Variants in PROCR observed in about 807,000 individuals in gnomAD.
The protein encoded by PROCR is protein C receptor, also known as endothelial protein C receptor.
A neutral mutation model predicts 24.2 loss-of-function variants in PROCR; 22 were observed. That is an observed-to-expected ratio of 0.91 (90% CI 0.65 to 1.30). The LOEUF is 1.30. Ranked by LOEUF, PROCR falls within the 50% of genes most tolerant of loss-of-function variation. The pLI is 0.00. For synonymous variants in PROCR, 137 were observed against 139.2 expected, an observed-to-expected ratio of 0.98 and a Z score of 0.11; for missense variants, 288 against 307.7, an observed-to-expected ratio of 0.94 and a Z score of 0.48.
At chr20:35,196,092 G>A (rs1264098334) in intron 1 of PROCR, among the ~76,000 whole-genome samples, 2 of 142,092 alleles carry the variant, frequency 1.4e-5, no homozygotes, top group African/African-American at 5.2e-5. Context: ...TGAGGCAGGA[G>A]AATCGCTTGA....
chr20:35,193,197 G>A (rs1310791622), intron 1 of PROCR, among the ~76,000 whole-genome samples: 1 of 143,352 alleles, frequency 7.0e-6, no homozygotes, highest in Non-Finnish European at 1.5e-5. Flanking sequence ...TTTTTTTTAA[G>A]ATGGAGTCTC....
At chr20:35,171,804 C>G (rs1297153704), upstream of PROCR, among the ~76,000 whole-genome samples, 1 of 152,052 alleles carries the variant, frequency 6.6e-6, no homozygotes, top group African/African-American at 2.4e-5. Context: ...TGAGTCAGCG[C>G]CGGCAGGACT....
chr20:35,197,517 A>C (rs2060302300), intron 1 of PROCR, among the ~76,000 whole-genome samples: 1 of 152,088 alleles, frequency 6.6e-6, no homozygotes, highest in Non-Finnish European at 1.5e-5. Context: ...TGGCCTCTAA[A>C]TGTTCAAGTG....
intron 1 of PROCR, among the ~76,000 whole-genome samples, chr20:35,201,209 T>G (rs557103293): frequency 3.5e-4 from 52 of 150,410 alleles, no homozygotes; most frequent in African/African-American, 1.2e-3. Flanking sequence ...ACCAATATAT[T>G]AAATTGGAAT....
intron 1 of PROCR, among the ~76,000 whole-genome samples, chr20:35,204,696 A>G (rs2060331613): frequency 6.6e-6 from 1 of 152,078 alleles, no homozygotes; most frequent in African/African-American, 2.4e-5. Context: ...TCACTGGGAA[A>G]TTCTACCAAA....
In PROCR at chr20:35,174,954, G is replaced by A. The variant is rs2085994825; in HGVS notation, c.322+1G>A. ...GTGCACCAGGAGCGGACCTTGGCCT[G>A]TGAGTAGGCGCGCAGCGGGGGCGGG... On this transcript the variant is annotated splice_donor_variant, in intron 2 of 3. Transcript: ENST00000216968. LOFTEE classifies it high-confidence loss of function. 1.3e-6 allele frequency: 2 copies of A among 1,497,944 alleles called. No homozygotes were observed. The highest frequency in any genetic ancestry group is 1.8e-6 in the Non-Finnish European group (2 of 1,117,368). The allele number at this position is 1,497,944 out of a possible 1,614,324, so 92.8% of individuals were successfully genotyped here.
At chr20:35,210,664 G>A (rs1440550605) in intron 1 of PROCR, among the ~76,000 whole-genome samples, 3 of 151,262 alleles carry the variant, frequency 2.0e-5, no homozygotes, top group African/African-American at 7.3e-5. Context: ...CCCGTGCAAT[G>A]TATCATTCAG....
In PROCR at chr20:35,172,180, T is replaced by C. The variant is rs138484833; in HGVS notation, c.26T>C (p.Leu9Pro). ...ATGTTGACAACATTGCTGCCGATAC[T>C]GCTGCTGTCTGGCTGGGCCTTTTGT... MLTTLLPI[L>P]LLSGWAFCSQ... The change falls in exon 1 of 4, where the codon CTG (leucine) becomes CCG (proline). Residue 9 changes from leucine (L) to proline (P), a missense_variant. Physicochemically the swap from Leu to Pro is moderately conservative, Grantham distance 98 (BLOSUM62 -3). Transcript: ENST00000216968. 6.2e-6 allele frequency: 10 copies of C among 1,614,070 alleles called. No individual in the cohort carries two copies. The highest frequency in any genetic ancestry group is 1.3e-5 in the African/African-American group (1 of 74,930).
At chr20:35,182,845 G>A (rs1012403790) in intron 1 of PROCR, among the ~76,000 whole-genome samples, 3 of 152,006 alleles carry the variant, frequency 2.0e-5, no homozygotes, top group South Asian at 2.1e-4. Flanking sequence ...ATGGTGGCAC[G>A]TGCCTGTAGT....
chr20:35,205,767 A>ATG (rs2060337292), intron 1 of PROCR, among the ~76,000 whole-genome samples: 2 of 45,540 alleles, frequency 4.4e-5, no homozygotes, highest in African/African-American at 1.2e-4. Flanking sequence ...ATATATATAT[A>ATG]TATATATATA....
chr20:35,205,417 C>G (rs867324321), intron 1 of PROCR, among the ~76,000 whole-genome samples: 1 of 149,566 alleles, frequency 6.7e-6, no homozygotes, highest in Non-Finnish European at 1.5e-5. Flanking sequence ...AAAAAAATCT[C>G]TCAGCAAACT....
At chr20:35,198,011 G>A (rs988499418) in intron 1 of PROCR, among the ~76,000 whole-genome samples, 11 of 151,944 alleles carry the variant, frequency 7.2e-5, no homozygotes, top group Admixed American at 3.9e-4. Context: ...AAGGCCAGGC[G>A]CGGTGGCTCA....
intron 1 of PROCR, among the ~76,000 whole-genome samples, chr20:35,196,321 G>T (rs772574932): frequency 7.9e-5 from 12 of 151,646 alleles, no homozygotes; most frequent in Non-Finnish European, 1.8e-4. Context: ...TTGAAGAAAT[G>T]ATGGCTGAAA....
intron 1 of PROCR, among the ~76,000 whole-genome samples, chr20:35,206,778 T>A (rs1352904878): frequency 6.6e-6 from 1 of 152,126 alleles, no homozygotes; most frequent in Non-Finnish European, 1.5e-5. Context: ...ATACAGCCCC[T>A]CTAGGTTTCT....
intron 1 of PROCR, among the ~76,000 whole-genome samples, chr20:35,190,420 C>T (rs773170521): frequency 5.3e-5 from 8 of 152,322 alleles, no homozygotes; most frequent in East Asian, 1.9e-4. Context: ...TCAACATCAA[C>T]GAACTTATCT....
intron 1 of PROCR, among the ~76,000 whole-genome samples, chr20:35,207,982 T>C (rs931028711): frequency 1.3e-5 from 2 of 152,214 alleles, no homozygotes; most frequent in African/African-American, 4.8e-5. Context: ...AATAATACAC[T>C]ACCTGCCCTG....
intron 1 of PROCR, among the ~76,000 whole-genome samples, chr20:35,212,020 G>GAA (rs796970666): frequency 1.4e-5 from 2 of 141,888 alleles, no homozygotes; most frequent in African/African-American, 5.1e-5. Context: ...TCTGTCTCAA[G>GAA]AAAAAAAAAA....
At chr20:35,191,173 A>G (rs2086170328) in intron 1 of PROCR, among the ~76,000 whole-genome samples, 1 of 152,106 alleles carries the variant, frequency 6.6e-6, no homozygotes, top group Non-Finnish European at 1.5e-5. Flanking sequence ...TTTCTTCTCC[A>G]GATTAAACAT....
chr20:35,171,547 T>C (rs562040943), upstream of PROCR, among the ~76,000 whole-genome samples: 1 of 152,316 alleles, frequency 6.6e-6, no homozygotes, highest in African/African-American at 2.4e-5. Flanking sequence ...TGAACTGCTT[T>C]ACACTCATTT....
Sources: allele counts gnomAD v4.1 joint callset (sites outside exome capture counted in the v4.1 genomes callset), GRCh38; gene constraint gnomAD v4.1.1; transcripts MANE v1.5; gene names NCBI Gene and HGNC (gene_info 2026-07-23, HGNC 2026-07-21).